The following GKAP1 variants were observed in gnomAD, a reference collection of about 807,000 sequenced individuals.
The protein encoded by GKAP1 is G kinase-anchoring protein 1.
A neutral mutation model predicts 56.7 loss-of-function variants in GKAP1; 31 were observed. That is an observed-to-expected ratio of 0.55 (90% CI 0.41 to 0.74). The LOEUF is 0.74. GKAP1 is among the 30% of genes least tolerant of loss of function. The pLI is 0.00. For synonymous variants in GKAP1, 151 were observed against 138.6 expected (o/e 1.09, Z -0.63); for missense variants, 364 against 402.3 (o/e 0.90, Z 0.82).
At chr9:83,745,693 C>T (rs1943281627) in intron 10 of GKAP1, among the ~76,000 whole-genome samples, 1 of 152,064 alleles carries the variant, frequency 6.6e-6, no homozygotes, top group South Asian at 2.1e-4. Context: ...ATTTTCATAA[C>T]TTTGTTCATT....
At chr9:83,792,769 A>C (rs542576546) in intron 4 of GKAP1, among the ~76,000 whole-genome samples, 1 of 152,196 alleles carries the variant, frequency 6.6e-6, no homozygotes, top group Non-Finnish European at 1.5e-5. Context: ...GACTGGGCCT[A>C]TAAGACAGGC....
chr9:83,761,245 T>C (rs1283807544), intron 8 of GKAP1, among the ~76,000 whole-genome samples: 1 of 151,798 alleles, frequency 6.6e-6, no homozygotes, highest in Non-Finnish European at 1.5e-5. Context: ...AAAGAGACAT[T>C]ATGACTAATA....
rs566982400 is a variant in GKAP1, at chr9:83,781,542, G to C, written c.563-1138C>G. Reference sequence around the variant, plus strand: ...AGTTCTCTAAAGAATTTCTTGATCAGAATAGTGTCCATAAACACAGTAAAT... The same window carrying C: ...AGTTCTCTAAAGAATTTCTTGATCACAATAGTGTCCATAAACACAGTAAAT... On this transcript the variant is annotated intron_variant, in intron 6 of 12. Transcript: ENST00000376371. Among the ~76,000 whole-genome samples, 7 of 152,256 alleles carry C rather than the reference G, an allele frequency of 4.6e-5. No homozygotes were observed. The South Asian group carries it at 1.5e-3, about 32-fold the overall frequency.
chr9:83,756,470 C>CAAAAAAAAAA (rs142896755), intron 8 of GKAP1, among the ~76,000 whole-genome samples: 1 of 75,418 alleles, frequency 1.3e-5, no homozygotes, highest in African/African-American at 5.0e-5. Context: ...GACTCCATCT[C>CAAAAAAAAAA]AAAAAAAAAA....
At chr9:83,744,393 CTGTG>C (rs1417126879) in intron 10 of GKAP1, among the ~76,000 whole-genome samples, 2 of 152,212 alleles carry the variant, frequency 1.3e-5, no homozygotes, top group South Asian at 4.1e-4. Context: ...CCTTGGTTCA[CTGTG>C]TGTTAGGAAA....
intron 12 of GKAP1, 145 bp from the exon 13 acceptor site, chr9:83,739,889 A>G (rs772519040): frequency 5.5e-5 from 33 of 604,072 alleles, no homozygotes; most frequent in Non-Finnish European, 8.3e-5. Context: ...TTGAGTCTAC[A>G]TACTGTTACA....
intron 7 of GKAP1, among the ~76,000 whole-genome samples, chr9:83,771,343 A>C (rs1023821885): frequency 6.6e-6 from 1 of 152,084 alleles, no homozygotes; most frequent in Non-Finnish European, 1.5e-5. Context: ...TCAGCCTCCC[A>C]AAGTGCTAGG....
At chr9:83,743,677 T>A (rs1943244460) in intron 10 of GKAP1, among the ~76,000 whole-genome samples, 1 of 152,156 alleles carries the variant, frequency 6.6e-6, no homozygotes, top group Non-Finnish European at 1.5e-5. Context: ...CCAACAAAAT[T>A]ATATTTCTCT....
intron 2 of GKAP1, among the ~76,000 whole-genome samples, chr9:83,808,527 G>T (rs1944468284): frequency 6.6e-6 from 1 of 152,168 alleles, no homozygotes; most frequent in African/African-American, 2.4e-5. Flanking sequence ...AATCCAGGAA[G>T]TAGAGATTGC....
chr9:83,755,926 T>A (rs996777347), intron 8 of GKAP1, among the ~76,000 whole-genome samples: 6 of 151,326 alleles, frequency 4.0e-5, no homozygotes, highest in African/African-American at 7.3e-5. Flanking sequence ...TGCCTCAGTC[T>A]CCCAAGTAGC....
intron 3 of GKAP1, among the ~76,000 whole-genome samples, chr9:83,805,199 T>TGG (rs1479489873): frequency 6.6e-6 from 1 of 152,230 alleles, no homozygotes; most frequent in Non-Finnish European, 1.5e-5. Context: ...AAACGTGCTG[T>TGG]GTCCACTCAG....
chr9:83,783,873 T>C (rs985744346), intron 6 of GKAP1, among the ~76,000 whole-genome samples: 1 of 152,234 alleles, frequency 6.6e-6, no homozygotes, highest in Non-Finnish European at 1.5e-5. Flanking sequence ...CTTACTAAAG[T>C]TTTATGGGGT....
chr9:83,760,369 C>T (rs1263876443), intron 8 of GKAP1, among the ~76,000 whole-genome samples: 1 of 152,010 alleles, frequency 6.6e-6, no homozygotes, highest in Non-Finnish European at 1.5e-5. Flanking sequence ...ATATATAAAG[C>T]AAATATTATT....
In GKAP1 at chr9:83,739,670, T is replaced by C. The variant is rs745393010; in HGVS notation, c.*27A>G. 2 of 1,582,542 alleles carry C rather than the reference T, an allele frequency of 1.3e-6. No individual in the cohort carries two copies. The highest frequency in any genetic ancestry group is 2.3e-5 in the South Asian group (2 of 85,458). ...TGCAAAATCCTGGAAGTTTTAAACTTTGTGTTGACTTCAAAGGCTAATGTA... is the reference window on the plus strand; with the variant it reads ...TGCAAAATCCTGGAAGTTTTAAACTCTGTGTTGACTTCAAAGGCTAATGTA... On this transcript the variant is annotated 3_prime_UTR_variant, in exon 13 of 13. Transcript: ENST00000376371.
intron 3 of GKAP1, among the ~76,000 whole-genome samples, chr9:83,804,332 A>G (rs1401718341): frequency 7.8e-4 from 73 of 93,900 alleles, no homozygotes; most frequent in Middle Eastern, 8.2e-3. Flanking sequence ...CAGCCGCCCC[A>G]TCCGGGAGGG....
intron 10 of GKAP1, among the ~76,000 whole-genome samples, chr9:83,744,663 T>C (rs7047832): frequency 0.01 from 1,551 of 152,356 alleles, 26 homozygotes; most frequent in African/African-American, 0.035. Context: ...AACCTTCCTT[T>C]TTCTCGTAAG....
intron 6 of GKAP1, 65 bp downstream of exon 6, chr9:83,784,650 A>C: frequency 9.0e-7 from 1 of 1,111,056 alleles, no homozygotes; most frequent in Admixed American, 2.8e-5. Context: ...AAAGACATTT[A>C]CAACTGAAGT....
intron 5 of GKAP1, among the ~76,000 whole-genome samples, chr9:83,786,371 C>T (rs1418116640): frequency 6.6e-6 from 1 of 151,754 alleles, no homozygotes; most frequent in Non-Finnish European, 1.5e-5. Flanking sequence ...GGAGAAACCC[C>T]GTCTCTACTA....
At chr9:83,778,659 A>G (rs1943902018) in intron 7 of GKAP1, among the ~76,000 whole-genome samples, 2 of 152,286 alleles carry the variant, frequency 1.3e-5, no homozygotes, top group African/African-American at 4.8e-5. Flanking sequence ...AAATTTACCT[A>G]TATAATAAAC....
Sources: gnomAD v4.1 joint callset for allele counts (sites outside exome capture counted in the v4.1 genomes callset) on GRCh38, gnomAD v4.1.1 for gene constraint, MANE v1.5 for transcripts, NCBI Gene and HGNC (gene_info 2026-07-23, HGNC 2026-07-21) for gene names.